The following DNAI7 variants were observed in gnomAD, a reference collection of about 807,000 sequenced individuals.
DNAI7 encodes dynein axonemal intermediate chain 7.
In DNAI7, 78 loss-of-function variants were observed where a neutral mutation model predicts 86.6. The observed-to-expected ratio is 0.90, with a 90% CI of 0.75 to 1.09. The LOEUF is 1.09. DNAI7 is among the 50% of genes least tolerant of loss of function. The pLI, the probability that DNAI7 is intolerant of heterozygous loss-of-function variation, is 0.00. For synonymous variants in DNAI7, 274 were observed against 273.0 expected (o/e 1.00, Z -0.04); for missense variants, 753 against 810.2 (o/e 0.93, Z 0.86).
chr12:25,107,747 G>C (rs964676662), downstream of DNAI7: 57 of 1,443,758 alleles, frequency 3.9e-5, no homozygotes, highest in Non-Finnish European at 5.5e-5. Context: ...CTGACTGGTG[G>C]TGTTAGCAAA....
At chr12:25,136,170 C>T (rs933477930) in intron 9 of DNAI7, among the ~76,000 whole-genome samples, 1 of 152,212 alleles carries the variant, frequency 6.6e-6, no homozygotes, top group Non-Finnish European at 1.5e-5. Context: ...CATTCCCCTG[C>T]TACCTCCACT....
At chr12:25,124,755 G>A (rs766650568) in intron 9 of DNAI7, among the ~76,000 whole-genome samples, 5 of 152,028 alleles carry the variant, frequency 3.3e-5, no homozygotes, top group Admixed American at 6.6e-5. Context: ...TTATTTTTCT[G>A]CTCCTTGCTC....
chr12:25,148,440 A>G (rs1484646969), intron 7 of DNAI7, among the ~76,000 whole-genome samples: 1 of 152,180 alleles, frequency 6.6e-6, no homozygotes, highest in African/African-American at 2.4e-5. Flanking sequence ...ATTTTCCCCA[A>G]TCTGAGGTCA....
At chr12:25,156,661 A>C (rs1390603383) in intron 4 of DNAI7, among the ~76,000 whole-genome samples, 1 of 151,712 alleles carries the variant, frequency 6.6e-6, no homozygotes, top group Admixed American at 6.6e-5. Context: ...GAATCGCCTG[A>C]ACCTGGGACG....
intron 12 of DNAI7, among the ~76,000 whole-genome samples, chr12:25,117,782 C>G (rs1266164215): frequency 1.3e-5 from 2 of 152,014 alleles, no homozygotes; most frequent in Non-Finnish European, 2.9e-5. Context: ...TCCCATTTGC[C>G]CATTCCTCAT....
At chr12:25,137,215 T>C (rs1438918713) in intron 9 of DNAI7, among the ~76,000 whole-genome samples, 1 of 151,900 alleles carries the variant, frequency 6.6e-6, no homozygotes, top group Non-Finnish European at 1.5e-5. Flanking sequence ...TAGAAGGGAT[T>C]GGGGTCCTAT....
intron 5 of DNAI7, among the ~76,000 whole-genome samples, chr12:25,154,853 C>T (rs1045453132): frequency 3.3e-5 from 5 of 152,294 alleles, no homozygotes; most frequent in African/African-American, 1.2e-4. Context: ...GCCTTCCATT[C>T]ATTTTGTAGT....
At position 25,144,465 on chromosome 12, in the gene DNAI7, T is replaced by C; in HGVS notation, c.902A>G (p.Glu301Gly). The C allele has an allele frequency of 6.2e-7, 1 of 1,614,158 alleles. No homozygotes were observed. The highest frequency in any genetic ancestry group is 8.5e-7 in the Non-Finnish European group (1 of 1,179,994). The change falls in exon 9 of 16, where the codon GAG becomes GGG. Residue 301 changes from glutamate (E) to glycine (G), a missense_variant. By Grantham distance (98) the Glu-to-Gly change is moderately conservative (BLOSUM62 -2). Coordinates refer to ENST00000395987, the MANE Select transcript of DNAI7 (RefSeq NM_018272.5). ...TTGTTGTTTGGACTCTTCTTCGACC[T>C]CCTTGCTGATTGCTTTTTCTACATT... The part of the protein sequence containing the change: ...VKNVEKAISK[E>G]VEEESKQQER...
At chr12:25,107,903 T>C (rs752448174), downstream of DNAI7, 23 of 1,614,092 alleles carry the variant, frequency 1.4e-5, no homozygotes, top group East Asian at 2.7e-4. Flanking sequence ...ATTGCATTCA[T>C]TGTACTGTTT....
At chr12:25,112,816 T>C (rs1939216368) in intron 13 of DNAI7, among the ~76,000 whole-genome samples, 1 of 152,230 alleles carries the variant, frequency 6.6e-6, no homozygotes, top group Non-Finnish European at 1.5e-5. Context: ...TACATTTTTT[T>C]CTTCATACCA....
chr12:25,174,306 G>A (rs1194085397), intron 2 of DNAI7, among the ~76,000 whole-genome samples: 1 of 101,652 alleles, frequency 9.8e-6, no homozygotes, highest in African/African-American at 3.7e-5. Context: ...ATTTATCTTT[G>A]TTTTTATTGC....
At chr12:25,113,605 C>T (rs989414434) in intron 13 of DNAI7, among the ~76,000 whole-genome samples, 2 of 152,106 alleles carry the variant, frequency 1.3e-5, no homozygotes, top group African/African-American at 4.8e-5. Flanking sequence ...CAGCCCTCAT[C>T]TAGTTTTAAA....
chr12:25,185,182 T>C (rs1949921967), intron 2 of DNAI7, among the ~76,000 whole-genome samples: 1 of 151,020 alleles, frequency 6.6e-6, no homozygotes, highest in South Asian at 2.1e-4. Context: ...GTTGTAGTGC[T>C]TCCATTACTT....
chr12:25,159,673 C>A lies in DNAI7; in HGVS notation c.107-1110G>T, dbSNP rs146043663. Among the ~76,000 whole-genome samples the A allele has an allele frequency of 2.2e-3, 331 of 152,162 alleles. 2 individuals carry two copies. The highest frequency in any genetic ancestry group is 0.017 in the Middle Eastern group (5 of 294). ...ATGCAATTACCTTAATCTTCTCCTG[C>A]TCTCACTATTAAAAACAAAATGTGA... On this transcript the variant is annotated intron_variant, in intron 3 of 15. Transcript: ENST00000395987.
intron 6 of DNAI7, among the ~76,000 whole-genome samples, chr12:25,152,317 G>C (rs1945649070): frequency 6.6e-6 from 1 of 152,230 alleles, no homozygotes; most frequent in African/African-American, 2.4e-5. Context: ...CTAGCCTCCA[G>C]GATGGGGAGA....
intron 2 of DNAI7, among the ~76,000 whole-genome samples, chr12:25,173,552 A>C (rs1217034597): frequency 6.6e-6 from 1 of 152,190 alleles, no homozygotes; most frequent in Admixed American, 6.6e-5. Context: ...GAGATTCCTT[A>C]AATAAATAAA....
chr12:25,134,090 G>C (rs897846736), intron 9 of DNAI7, among the ~76,000 whole-genome samples: 10 of 152,046 alleles, frequency 6.6e-5, no homozygotes, highest in African/African-American at 2.4e-4. Context: ...GACCTCCTGG[G>C]CTCAGGCAAT....
At chr12:25,174,413 TGG>T (rs1948589564) in intron 2 of DNAI7, among the ~76,000 whole-genome samples, 1 of 7,956 alleles carries the variant, frequency 1.3e-4, no homozygotes, top group Non-Finnish European at 2.2e-4. Flanking sequence ...ATGGGATATA[TGG>T]GATATATATA....
intron 6 of DNAI7, among the ~76,000 whole-genome samples, chr12:25,152,880 C>T (rs889696019): frequency 6.6e-6 from 1 of 152,150 alleles, no homozygotes; most frequent in African/African-American, 2.4e-5. Context: ...AGTATAAACG[C>T]TAGTTTTTCG....
Sources: allele counts gnomAD v4.1 joint callset (sites outside exome capture counted in the v4.1 genomes callset), GRCh38; gene constraint gnomAD v4.1.1; transcripts MANE v1.5; gene names NCBI Gene and HGNC (gene_info 2026-07-23, HGNC 2026-07-21).